Variants in PREX1 observed in about 807,000 individuals in gnomAD.
PREX1 encodes phosphatidylinositol 3,4,5-trisphosphate-dependent Rac exchanger 1 protein.
In PREX1, 41 loss-of-function variants were observed where a neutral mutation model predicts 198.3. The observed-to-expected ratio is 0.21, with a 90% CI of 0.16 to 0.27. The LOEUF (loss-of-function observed/expected upper bound fraction) is 0.27, where lower values mean the gene tolerates loss of function less well. Ranked by LOEUF, PREX1 falls within the 10% of genes least tolerant of loss-of-function variation. PREX1 has a pLI of 1.00. For missense variants in PREX1, 1,620 were observed against 2,200.7 expected (o/e 0.74, Z 5.28); for synonymous variants, 843 against 887.2 (o/e 0.95, Z 0.89).
At chr20:48,717,328 T>C (rs1314816265) in intron 5 of PREX1, among the ~76,000 whole-genome samples, 2 of 152,100 alleles carry the variant, frequency 1.3e-5, no homozygotes, top group East Asian at 1.9e-4. Flanking sequence ...GGGCTGATCC[T>C]GCACTCAGTG....
chr20:48,653,477 C>T lies in PREX1; in HGVS notation c.2230G>A (p.Gly744Arg). The change falls in exon 20 of 40, where the codon GGG becomes AGG. Residue 744 changes from glycine (G) to arginine (R), a missense_variant. Physicochemically the swap from Gly to Arg is moderately radical, Grantham distance 125. Around this residue, in one of 7 missense-constraint regions of PREX1, gnomAD observed 514 missense variants for 611.6 expected, o/e 0.84. Transcript: ENST00000371941. ...VGRGSEAMAA[G>R]LCAGQCILKV... ...AGAATGCACTGACCAGCACAGAGCC[C>T]TGCAGCCATGGCCTCAGAGCCTAAG... 2 of 1,612,612 alleles carry T rather than the reference C, an allele frequency of 1.2e-6. No homozygotes were observed. Among genetic ancestry groups the T allele is most frequent in the Non-Finnish European group, 1.7e-6 (2 of 1,179,306 alleles).
At chr20:48,675,822 A>C (rs1432582870) in intron 14 of PREX1, among the ~76,000 whole-genome samples, 1 of 152,196 alleles carries the variant, frequency 6.6e-6, no homozygotes, top group East Asian at 1.9e-4. Context: ...GCAGATCACA[A>C]GGTCAGGAGT....
chr20:48,745,203 C>A (rs903618804), intron 2 of PREX1, 56 bp from the exon 3 acceptor site: 4 of 1,536,796 alleles, frequency 2.6e-6, no homozygotes, highest in Admixed American at 2.0e-5. Context: ...GAGAGCAAAG[C>A]CAAGCACTGA....
At chr20:48,712,670 G>A (rs539436461) in intron 5 of PREX1, among the ~76,000 whole-genome samples, 34 of 152,336 alleles carry the variant, frequency 2.2e-4, no homozygotes, top group African/African-American at 8.2e-4. Flanking sequence ...GCAAGACCTG[G>A]CCAGGCCCAT....
At chr20:48,696,608 CAT>C (rs55661021) in intron 7 of PREX1, among the ~76,000 whole-genome samples, 7,173 of 46,898 alleles carry the variant, frequency 0.15, 225 homozygotes, top group South Asian at 0.24. Context: ...CACACACACA[CAT>C]ACATACATAC....
chr20:48,782,607 G>T (rs1227177354), intron 1 of PREX1, among the ~76,000 whole-genome samples: 2 of 152,174 alleles, frequency 1.3e-5, no homozygotes, highest in Non-Finnish European at 2.9e-5. Flanking sequence ...GGATGGTCTG[G>T]CTTAAAATAA....
chr20:48,765,506 C>T (rs1294752579), intron 1 of PREX1, among the ~76,000 whole-genome samples: 3 of 152,304 alleles, frequency 2.0e-5, no homozygotes, highest in East Asian at 1.9e-4. Context: ...GACACGACAA[C>T]CAGCTGCAAC....
chr20:48,861,166 T>C, the PREX1 span, among the ~76,000 whole-genome samples: 1 of 152,026 alleles, frequency 6.6e-6, no homozygotes, highest in East Asian at 1.9e-4. Context: ...CATCTCAGAC[T>C]TTCAGTGACA....
At chr20:48,758,485 A>G (rs1481475427) in intron 1 of PREX1, among the ~76,000 whole-genome samples, 1 of 152,182 alleles carries the variant, frequency 6.6e-6, no homozygotes, top group Non-Finnish European at 1.5e-5. Flanking sequence ...GGGGTGAAAG[A>G]CAGGGCTTTG....
At chr20:48,687,998 C>G (rs1345231090) in intron 10 of PREX1, among the ~76,000 whole-genome samples, 1 of 152,140 alleles carries the variant, frequency 6.6e-6, no homozygotes, top group Non-Finnish European at 1.5e-5. Context: ...ACACCCTGAC[C>G]TAGGACTGCC....
At position 48,817,986 on chromosome 20, in the gene PREX1, G is replaced by A. The variant is rs527263235; in HGVS notation, c.219+9656C>T. Among the ~76,000 whole-genome samples the A allele has an allele frequency of 5.3e-5, 8 of 152,180 alleles. No individual in the cohort carries two copies. The South Asian group carries it at 6.2e-4, about 12-fold the overall frequency. ...AGCTAGTGGGAAAAAAACAACGCAA[G>A]CAAAGGAAGAAATGGTGAGGTGGGG... On this transcript the variant is annotated intron_variant, in intron 1 of 39. Coordinates refer to ENST00000371941, the MANE Select transcript of PREX1 (RefSeq NM_020820.4).
At chr20:48,713,857 T>TAAAAA (rs71337452) in intron 5 of PREX1, among the ~76,000 whole-genome samples, 5 of 81,712 alleles carry the variant, frequency 6.1e-5, no homozygotes, top group Non-Finnish European at 7.4e-5. Context: ...CCCAGAACTA[T>TAAAAA]AAAAAAAAAA....
intron 1 of PREX1, among the ~76,000 whole-genome samples, chr20:48,762,558 A>G (rs974397429): frequency 2.0e-5 from 3 of 152,208 alleles, no homozygotes; most frequent in Non-Finnish European, 4.4e-5. Context: ...TGGCCTCTAG[A>G]CAGAGCCAAG....
upstream of PREX1, among the ~76,000 whole-genome samples, chr20:48,832,305 A>G (rs2090538930): frequency 6.6e-6 from 1 of 152,070 alleles, no homozygotes; most frequent in Admixed American, 6.5e-5. Context: ...GAAACATCAG[A>G]GTTTCTTATT....
chr20:48,633,981 TGATGGTTG>T (rs1352399637), intron 33 of PREX1, among the ~76,000 whole-genome samples: 2 of 151,900 alleles, frequency 1.3e-5, no homozygotes, highest in African/African-American at 4.8e-5. Flanking sequence ...GACGGATGGA[TGATGGTTG>T]GATGGATGGA....
chr20:48,730,354 C>T (rs1725092454), intron 4 of PREX1, among the ~76,000 whole-genome samples: 2 of 152,092 alleles, frequency 1.3e-5, no homozygotes, highest in Admixed American at 1.3e-4. Flanking sequence ...AAGCCACGAG[C>T]TCCAACGTGA....
intron 4 of PREX1, among the ~76,000 whole-genome samples, chr20:48,732,252 C>G (rs2090037643): frequency 1.3e-5 from 2 of 152,162 alleles, no homozygotes; most frequent in Admixed American, 1.3e-4. Flanking sequence ...GCCAATTTGC[C>G]CTTCCTCAGA....
chr20:48,771,351 G>T (rs1419414133), intron 1 of PREX1, among the ~76,000 whole-genome samples: 1 of 151,662 alleles, frequency 6.6e-6, no homozygotes, highest in African/African-American at 2.4e-5. Context: ...CCATGCTTAG[G>T]ATTTTTTTCA....
intron 23 of PREX1, 147 bp from the exon 24 acceptor site, chr20:48,650,353 C>T (rs547112122): frequency 1.2e-6 from 1 of 840,550 alleles, no homozygotes; most frequent in Non-Finnish European, 1.9e-6. Flanking sequence ...AAGGGGAACC[C>T]CTGGACTGTG....
Sources: allele counts gnomAD v4.1 joint callset (sites outside exome capture counted in the v4.1 genomes callset), GRCh38; gene constraint gnomAD v4.1.1; regional missense constraint gnomAD v4.1.1; transcripts MANE v1.5; gene names NCBI Gene and HGNC (gene_info 2026-07-23, HGNC 2026-07-21).